Variants in PARM1 observed in about 807,000 individuals in gnomAD.
The protein encoded by PARM1 is prostate androgen-regulated mucin-like protein 1, also known as WSC4, cell wall integrity and stress response component 4 homolog.
PARM1 carries 14 observed loss-of-function variants against 24.6 expected under a neutral mutation model. The ratio of observed to expected loss-of-function variants is 0.57; its 90% CI spans 0.38 to 0.89. The LOEUF is 0.89. Among genes scored for constraint, PARM1 ranks in the 40% least tolerant of loss-of-function variants. PARM1 has a pLI of 0.00. For missense variants in PARM1, 362 were observed against 380.4 expected (o/e 0.95, Z 0.40); for synonymous variants, 179 against 156.6 (o/e 1.14, Z -1.07).
intron 3 of PARM1, 55 bp from the exon 4 acceptor site, chr4:75,046,108 C>T (rs1723595819): frequency 7.7e-6 from 9 of 1,166,902 alleles, no homozygotes; most frequent in Non-Finnish European, 1.2e-5. Flanking sequence ...ATTACGCTGT[C>T]CTCAGATGGG....
chr4:74,947,722 CTG>C (rs1423831535), intron 1 of PARM1, among the ~76,000 whole-genome samples: 1 of 152,080 alleles, frequency 6.6e-6, no homozygotes, highest in Non-Finnish European at 1.5e-5. Flanking sequence ...GGAAAAATGA[CTG>C]TGAGTTAATA....
intron 1 of PARM1, among the ~76,000 whole-genome samples, chr4:74,940,780 G>A (rs1009723197): frequency 6.6e-6 from 1 of 152,140 alleles, no homozygotes. Flanking sequence ...GACTCTTCAG[G>A]AAGAACAGTA....
chr4:74,990,072 CA>C (rs930277749), intron 1 of PARM1, among the ~76,000 whole-genome samples: 3 of 152,072 alleles, frequency 2.0e-5, no homozygotes, highest in Non-Finnish European at 4.4e-5. Context: ...GAGGACATAT[CA>C]AGTAATAGTA....
At chr4:74,980,195 A>G (rs1231737990) in intron 1 of PARM1, among the ~76,000 whole-genome samples, 1 of 152,178 alleles carries the variant, frequency 6.6e-6, no homozygotes, top group Non-Finnish European at 1.5e-5. Context: ...TGCAGAGGGC[A>G]TGATCCTATA....
chr4:75,013,761 GAC>G (rs1463973379), intron 2 of PARM1, among the ~76,000 whole-genome samples: 2 of 152,194 alleles, frequency 1.3e-5, no homozygotes, highest in Non-Finnish European at 2.9e-5. Context: ...TCAAGGGAAA[GAC>G]AATAAATTTT....
At chr4:74,933,420 T>C (rs1370614745) in intron 1 of PARM1, 50 bp downstream of exon 1, 4 of 1,537,862 alleles carry the variant, frequency 2.6e-6, no homozygotes, top group Non-Finnish European at 3.6e-6. Flanking sequence ...TGGGCCCCAG[T>C]AGCTAGCGCG....
chr4:75,012,390 A>C, intron 1 of PARM1, 35 bp from the exon 2 acceptor site: 1 of 1,596,302 alleles, frequency 6.3e-7, no homozygotes, highest in Non-Finnish European at 8.6e-7. Flanking sequence ...CCGTGTTTTC[A>C]CATATTAACC....
chr4:74,984,419 G>T (rs1443561259), intron 1 of PARM1, among the ~76,000 whole-genome samples: 5 of 152,164 alleles, frequency 3.3e-5, no homozygotes, highest in Non-Finnish European at 7.3e-5. Context: ...CCTGAAGGTG[G>T]AGGAGTTCAA....
intron 2 of PARM1, among the ~76,000 whole-genome samples, chr4:75,032,162 G>T (rs903386763): frequency 2.0e-4 from 31 of 152,190 alleles, no homozygotes; most frequent in Admixed American, 6.5e-4. Context: ...GCAAAGAAAT[G>T]GATCTGTGAG....
At chr4:75,038,578 G>A (rs919950342) in intron 3 of PARM1, among the ~76,000 whole-genome samples, 15 of 152,128 alleles carry the variant, frequency 9.9e-5, no homozygotes, top group Non-Finnish European at 1.3e-4. Context: ...TTGATATGGC[G>A]GTCTTCCATG....
intron 3 of PARM1, among the ~76,000 whole-genome samples, chr4:75,038,995 T>G (rs868054199): frequency 6.6e-6 from 1 of 152,200 alleles, no homozygotes; most frequent in South Asian, 2.1e-4. Context: ...TAAGACGTCT[T>G]GTTAGAAGTC....
At chr4:74,964,798 T>C (rs1560777478) in intron 1 of PARM1, among the ~76,000 whole-genome samples, 1 of 152,142 alleles carries the variant, frequency 6.6e-6, no homozygotes, top group East Asian at 1.9e-4. Context: ...AAAAACTCTA[T>C]TAATAGGTAG....
intron 1 of PARM1, among the ~76,000 whole-genome samples, chr4:74,962,523 A>G (rs1440327347): frequency 1.3e-5 from 2 of 152,228 alleles, no homozygotes; most frequent in Non-Finnish European, 2.9e-5. Context: ...AATGGATTTT[A>G]TAACAATGTG....
chr4:75,019,889 G>A (rs1276007327), intron 2 of PARM1, among the ~76,000 whole-genome samples: 1 of 150,480 alleles, frequency 6.6e-6, no homozygotes, highest in African/African-American at 2.4e-5. Flanking sequence ...TGTAGTCCCA[G>A]CTACTCGGGA....
At chr4:74,960,221 G>C (rs377355488) in intron 1 of PARM1, among the ~76,000 whole-genome samples, 1 of 152,110 alleles carries the variant, frequency 6.6e-6, no homozygotes, top group African/African-American at 2.4e-5. Context: ...CTTTCTTCAC[G>C]TTGCAAGCCC....
chr4:75,038,023 TCTC>T (rs1723406101), intron 3 of PARM1, among the ~76,000 whole-genome samples: 2 of 152,082 alleles, frequency 1.3e-5, no homozygotes, highest in Admixed American at 1.3e-4. Context: ...TTCAAGCAAT[TCTC>T]CTGCCTCAGC....
At chr4:74,934,651 A>G (rs1578018298) in intron 1 of PARM1, among the ~76,000 whole-genome samples, 1 of 152,230 alleles carries the variant, frequency 6.6e-6, no homozygotes, top group Admixed American at 6.5e-5. Flanking sequence ...TTGGCTGCCC[A>G]GCCTCGGGCT....
intron 2 of PARM1, among the ~76,000 whole-genome samples, chr4:75,018,865 C>T (rs1252333726): frequency 6.6e-6 from 1 of 152,208 alleles, no homozygotes; most frequent in Admixed American, 6.5e-5. Context: ...GTTCCCCTGA[C>T]AGACCCAAAG....
intron 1 of PARM1, among the ~76,000 whole-genome samples, chr4:74,936,490 G>C (rs1418010666): frequency 7.3e-6 from 1 of 137,838 alleles, no homozygotes; most frequent in African/African-American, 2.7e-5. Flanking sequence ...GTCTCTCTCT[G>C]TCTCCCAGGC....
Sources: allele counts gnomAD v4.1 joint callset (sites outside exome capture counted in the v4.1 genomes callset), GRCh38; gene constraint gnomAD v4.1.1; transcripts MANE v1.5; gene names NCBI Gene and HGNC (gene_info 2026-07-23, HGNC 2026-07-21).